Variants in GIT1 observed in about 807,000 individuals in gnomAD.
The protein encoded by GIT1 is ARF GTPase-activating protein GIT1.
A neutral mutation model predicts 91.7 loss-of-function variants in GIT1; 14 were observed. The observed-to-expected ratio is 0.15, with a 90% confidence interval of 0.10 to 0.24. The LOEUF (loss-of-function observed/expected upper bound fraction) is 0.24, where lower values mean the gene tolerates loss of function less well. Ranked by LOEUF, GIT1 falls within the 10% of genes least tolerant of loss-of-function variation. GIT1 has a pLI of 1.00. For missense variants in GIT1, 717 were observed against 1,024.9 expected, an observed-to-expected ratio of 0.70 and a Z score of 4.10; for synonymous variants, 414 against 418.2, an observed-to-expected ratio of 0.99 and a Z score of 0.12.
Position 29,576,980 on chromosome 17 carries a change from A to T in GIT1, c.1110T>A (p.Ser370=). The change falls in exon 12 of 20, where the codon TCT becomes TCA. Residue 370 remains serine (S), a synonymous_variant. Coordinates refer to ENST00000225394, the MANE Select transcript of GIT1 (RefSeq NM_014030.4). The part of the protein sequence containing the change: ...LSSPTDNLEL[S]LRSQSDLDDQ... Reference sequence around the variant, plus strand: ...CGTCGAGGTCACTCTGGCTCCGCAGAGACAGCTCGAGGTTGTCTGAGGACA... The same window carrying T: ...CGTCGAGGTCACTCTGGCTCCGCAGTGACAGCTCGAGGTTGTCTGAGGACA... 1.2e-6 allele frequency: 2 copies of T among 1,602,922 alleles called. No individual in the cohort carries two copies. The highest frequency in any genetic ancestry group is 1.7e-6 in the Non-Finnish European group (2 of 1,179,648).
rs2033378843 is a variant in GIT1, at chr17:29,581,067, C to A, written c.761+271G>T. On this transcript the variant is annotated intron_variant, in intron 7 of 19. Coordinates refer to ENST00000225394, the MANE Select transcript of GIT1 (RefSeq NM_014030.4). This position sits in a 1 kb window ranked among gnomAD's most constrained non-coding sequence, Gnocchi z 4.8. Reference sequence around the variant, plus strand: ...GTGCTGGGATTACAGGCGTGAGCCACCGCGCCCGGCCCACAGGTAGCTTCT... The same window carrying A: ...GTGCTGGGATTACAGGCGTGAGCCAACGCGCCCGGCCCACAGGTAGCTTCT... The A allele has an allele frequency of 9.8e-6, 5 of 509,704 alleles. No individual in the cohort carries two copies. The Admixed American group carries it at 1.6e-4, about 16-fold the overall frequency. The allele number at this position is 509,704 out of a possible 1,614,324, so 31.6% of individuals were successfully genotyped here.
At position 29,576,113 on chromosome 17, in the gene GIT1, T is replaced by C. The variant is rs773055179; in HGVS notation, c.1630A>G (p.Ile544Val). The C allele has an allele frequency of 6.2e-7, 1 of 1,613,740 alleles. No individual in the cohort carries two copies. Among genetic ancestry groups the C allele is most frequent in the East Asian group, 2.2e-5 (1 of 44,882 alleles). Reference protein sequence around the residue: ...FHSTELEDDAIYSVHVPAGLY... With the variant: ...FHSTELEDDAVYSVHVPAGLY... ...CCAGCAGGGACGTGCACTGAATAGA[T>C]GGCGTCGTCCTCTAGCTCCTGGGGA... is the stretch of plus-strand genomic sequence containing the variant. Residue 544 changes from isoleucine (I) to valine (V), a missense_variant, in exon 15 of 20, where the codon ATC becomes GTC. Coordinates refer to ENST00000225394, the MANE Select transcript of GIT1 (RefSeq NM_014030.4).
intron 1 of GIT1, among the ~76,000 whole-genome samples, chr17:29,587,724 G>A (rs906669406): frequency 1.3e-5 from 2 of 152,284 alleles, no homozygotes; most frequent in African/African-American, 4.8e-5. Context: ...TGAGGAAGCT[G>A]AGGACCCCAC....
intron 9 of GIT1, 45 bp from the exon 10 acceptor site, chr17:29,577,787 C>T (rs1952138158): frequency 8.2e-7 from 1 of 1,214,294 alleles, no homozygotes. Context: ...TGGCCAGGCC[C>T]CCAAGGTGGG....
intron 4 of GIT1, 37 bp downstream of exon 4, chr17:29,582,661 G>A (rs1299033224): frequency 3.7e-6 from 5 of 1,349,864 alleles, no homozygotes; most frequent in South Asian, 1.2e-5. Context: ...GGGAAGAAGA[G>A]GAGGGGGCCA....
Position 29,574,811 on chromosome 17 carries a change from G to A in GIT1, c.2177C>T (p.Ala726Val), listed in dbSNP as rs769301186. ...AGTCAGCAGCTGGAAGTCCACTGGGGCGCCGGGCTCTGGGGGCACTGTCTT... is the reference window on the plus strand; with the variant it reads ...AGTCAGCAGCTGGAAGTCCACTGGGACGCCGGGCTCTGGGGGCACTGTCTT... ...CRKTVPPEPG[A>V]PVDFQLLTQQ... The change falls in exon 20 of 20, where the codon GCC becomes GTC. Residue 726 changes from alanine to valine, a missense_variant. This residue lies in a region of GIT1 where 134 missense variants were observed against 223.8 expected (regional missense o/e 0.60). Coordinates refer to ENST00000225394, the MANE Select transcript of GIT1 (RefSeq NM_014030.4). The A allele has an allele frequency of 1.2e-6, 2 of 1,611,868 alleles. No homozygotes were observed. Among genetic ancestry groups the A allele is most frequent in the East Asian group, 4.5e-5 (2 of 44,870 alleles).
intron 1 of GIT1, 69 bp from the exon 2 acceptor site, chr17:29,583,685 G>A: frequency 4.7e-6 from 7 of 1,502,476 alleles, no homozygotes; most frequent in Non-Finnish European, 6.2e-6. Context: ...ACCTGCTCTG[G>A]CCCGTGCCAA....
At chr17:29,574,974 C>T (rs758953228) in intron 19 of GIT1, 60 bp from the exon 20 acceptor site, 1 of 1,491,546 alleles carries the variant, frequency 6.7e-7, no homozygotes, top group Admixed American at 1.9e-5. Context: ...GAGATCAGGG[C>T]CCAGTTTGTC....
At position 29,577,720 on chromosome 17, in the gene GIT1, G is replaced by A. The variant is rs2033263491; in HGVS notation, c.906C>T (p.His302=). ...CACTGCGCTCTGTCACCAGAGTGCTGTGGTTTTGGGTAGCCAGCCACACTG... is the reference window on the plus strand; with the variant it reads ...CACTGCGCTCTGTCACCAGAGTGCTATGGTTTTGGGTAGCCAGCCACACTG... ...NDAVWLATQN[H]STLVTERSAV... Residue 302 remains histidine (H), a synonymous_variant, in exon 10 of 20, where the codon CAC becomes CAT. Transcript: ENST00000225394. The A allele has an allele frequency of 1.2e-6, 2 of 1,611,744 alleles. No homozygotes were observed. Among genetic ancestry groups the A allele is most frequent in the African/African-American group, 2.7e-5 (2 of 75,042 alleles).
Position 29,576,072 on chromosome 17 carries a change from G to A in GIT1, c.1665+6C>T, listed in dbSNP as rs778187427. 1 of 1,613,504 alleles carries A rather than the reference G, an allele frequency of 6.2e-7. No homozygotes were observed. Among genetic ancestry groups the A allele is most frequent in the Non-Finnish European group, 8.5e-7 (1 of 1,179,722 alleles). On this transcript the variant is annotated splice_donor_region_variant and intron_variant, in intron 15 of 19. Coordinates refer to ENST00000225394, the MANE Select transcript of GIT1 (RefSeq NM_014030.4). The stretch of plus-strand genomic sequence containing the variant: ...GCTAAGATGGACACGCCTTCCCCAG[G>A]CTTACCCGGTAAAGGCCAGCAGGGA...
At position 29,574,418 on chromosome 17, in the gene GIT1, T is replaced by C. The variant is rs573668174; in HGVS notation, c.*284A>G. ...GAGGGTGCCCTAGAAGGCGAGGGGC[T>C]GGGAGTGATGCCTTGCAGGCCCCTG... On this transcript the variant is annotated 3_prime_UTR_variant, in exon 20 of 20. Transcript: ENST00000225394. 6.4e-6 allele frequency: 3 copies of C among 472,112 alleles called. No homozygotes were observed. The Admixed American group carries it at 1.1e-4, about 17-fold the overall frequency. The allele number at this position is 472,112 out of a possible 1,614,324, so 29.2% of individuals were successfully genotyped here. A position where few individuals can be genotyped will look rare whatever the true frequency, so the allele number is the denominator to read the frequency against.
At chr17:29,586,394 C>A (rs897620098) in intron 1 of GIT1, among the ~76,000 whole-genome samples, 6 of 152,146 alleles carry the variant, frequency 3.9e-5, no homozygotes, top group Non-Finnish European at 7.4e-5. Flanking sequence ...CAAGAAAATT[C>A]TTCTTCCAAT....
intron 1 of GIT1, among the ~76,000 whole-genome samples, chr17:29,585,258 G>A (rs2033555985): frequency 6.6e-6 from 1 of 152,106 alleles, no homozygotes; most frequent in Admixed American, 6.5e-5. Context: ...TCAGGGGGCT[G>A]CCAGCCAGCC....
In GIT1 at chr17:29,575,542, C is replaced by A; in HGVS notation, c.1827-72G>T. ...AGACACGTTCCAGCCTCGGAGCCGCCCGCCTTGGTCCTCACACACTGGGGG... is the reference window on the plus strand; with the variant it reads ...AGACACGTTCCAGCCTCGGAGCCGCACGCCTTGGTCCTCACACACTGGGGG... On this transcript the variant is annotated intron_variant, in intron 17 of 19. Coordinates refer to ENST00000225394, the MANE Select transcript of GIT1 (RefSeq NM_014030.4). The surrounding 1 kb of genome is among the most constrained non-coding windows in gnomAD (Gnocchi z 5.5). The A allele has an allele frequency of 6.4e-7, 1 of 1,558,288 alleles. No homozygotes were observed. The highest frequency in any genetic ancestry group is 1.1e-5 in the South Asian group (1 of 87,732).
chr17:29,578,997 A>G lies in GIT1; in HGVS notation c.762-218T>C, dbSNP rs764126571. On this transcript the variant is annotated intron_variant, in intron 7 of 19. Transcript: ENST00000225394. ...TGCACTTTTGCCGAGATCTAAGTCC[A>G]GAGGAAGGCAGCAGAGGGAAGAACA... is the stretch of plus-strand genomic sequence containing the variant. 1.2e-5 allele frequency: 19 copies of G among 1,613,792 alleles called. No individual in the cohort carries two copies. The Admixed American group carries it at 3.2e-4, about 27-fold the overall frequency.
At position 29,578,684 on chromosome 17, in the gene GIT1, G is replaced by A. The variant is rs187349517; in HGVS notation, c.810+47C>T. Reference sequence around the variant, plus strand: ...AGCAAGAGCAGAGGGTGGGGGATCAGAGAGGGGCCAGCTTCAAGTGTCAGG... The same window carrying A: ...AGCAAGAGCAGAGGGTGGGGGATCAAAGAGGGGCCAGCTTCAAGTGTCAGG... On this transcript the variant is annotated intron_variant, in intron 8 of 19. Transcript: ENST00000225394. 11 of 1,529,194 alleles carry A rather than the reference G, an allele frequency of 7.2e-6. No homozygotes were observed. The South Asian group carries it at 7.8e-5, about 11-fold the overall frequency. The allele number at this position is 1,529,194 out of a possible 1,614,324, so 94.7% of individuals were successfully genotyped here.
chr17:29,579,178 G>T, intron 7 of GIT1: 1 of 605,028 alleles, frequency 1.7e-6, no homozygotes, highest in East Asian at 2.8e-5. Context: ...CTTCCTCTCA[G>T]TGACCTGTTT....
At position 29,581,715 on chromosome 17, in the gene GIT1, G is replaced by A; in HGVS notation, c.718+27C>T. On this transcript the variant is annotated intron_variant, in intron 6 of 19. Transcript: ENST00000225394. This position sits in a 1 kb window ranked among gnomAD's most constrained non-coding sequence, Gnocchi z 4.8. ...CCCAGCCCCAGCCAGGCCTGTCACA[G>A]CCAGGCGCCCCCCAAGCTCTGCTCA... The A allele has an allele frequency of 1.3e-6, 2 of 1,583,184 alleles. No homozygotes were observed. Among genetic ancestry groups the A allele is most frequent in the Non-Finnish European group, 1.7e-6 (2 of 1,159,602 alleles).
Position 29,576,978 on chromosome 17 carries a change from A to G in GIT1, c.1112T>C (p.Leu371Pro). ...GTCGTCGAGGTCACTCTGGCTCCGCAGAGACAGCTCGAGGTTGTCTGAGGA... is the reference window on the plus strand; with the variant it reads ...GTCGTCGAGGTCACTCTGGCTCCGCGGAGACAGCTCGAGGTTGTCTGAGGA... ...SSPTDNLELSLRSQSDLDDQH... is the reference protein window; with the variant it reads ...SSPTDNLELSPRSQSDLDDQH... The change falls in exon 12 of 20, where the codon CTG becomes CCG. Residue 371 changes from leucine to proline, a missense_variant. Physicochemically the swap from Leu to Pro is moderately conservative, Grantham distance 98. Around this residue, in one of 3 missense-constraint regions of GIT1, gnomAD observed 312 missense variants for 349.5 expected, o/e 0.89. Transcript: ENST00000225394. 6.2e-7 allele frequency: 1 copy of G among 1,603,038 alleles called. No individual in the cohort carries two copies.
Sources: allele counts gnomAD v4.1 joint callset (sites outside exome capture counted in the v4.1 genomes callset), GRCh38; gene constraint gnomAD v4.1.1; regional missense constraint gnomAD v4.1.1; non-coding constraint Gnocchi (gnomAD v3.1); transcripts MANE v1.5; gene names NCBI Gene and HGNC (gene_info 2026-07-23, HGNC 2026-07-21).